GRM5: variants seen among roughly 807,000 people sequenced by gnomAD.
GRM5 encodes metabotropic glutamate receptor 5.
A neutral mutation model predicts 83.1 loss-of-function variants in GRM5; 19 were observed. The ratio of observed to expected loss-of-function variants is 0.23; its 90% CI spans 0.16 to 0.34. GRM5 has a LOEUF of 0.34. Ranked by LOEUF, GRM5 falls within the 10% of genes least tolerant of loss-of-function variation. The pLI is 1.00. For missense variants in GRM5, 1,160 were observed against 1,588.3 expected, an observed-to-expected ratio of 0.73 and a Z score of 4.58; for synonymous variants, 675 against 633.6, an observed-to-expected ratio of 1.07 and a Z score of -0.98.
In GRM5 at chr11:88,924,134, CAA is replaced by C. The variant is rs59939060; in HGVS notation, c.662-73981_662-73980del. On this transcript the variant is annotated intron_variant, in intron 2 of 9. Coordinates refer to ENST00000305447, the MANE Select transcript of GRM5 (RefSeq NM_001143831.3). The stretch of plus-strand genomic sequence containing the variant: ...TCACACCTGTTAGTATAGCTATAAT[CAA>C]AAAAAAAAAATAAGAAATAATCATT... Among the ~76,000 whole-genome samples, 138 of 146,824 alleles carry C rather than the reference CAA, an allele frequency of 9.4e-4. 3 individuals are homozygous for C. The highest frequency in any genetic ancestry group is 1.2e-3 in the Admixed American group (18 of 14,786).
At chr11:88,720,931 GT>G (rs1322166477) in intron 3 of GRM5, among the ~76,000 whole-genome samples, 1 of 151,588 alleles carries the variant, frequency 6.6e-6, no homozygotes, top group Non-Finnish European at 1.5e-5. Context: ...TCTCAGATGT[GT>G]TTTTTCATAA....
intron 2 of GRM5, among the ~76,000 whole-genome samples, chr11:88,911,686 C>T (rs979282675): frequency 5.3e-5 from 8 of 152,206 alleles, no homozygotes; most frequent in South Asian, 2.1e-4. Context: ...TTTCCTTATT[C>T]GTAAATTGAG....
intron 3 of GRM5, among the ~76,000 whole-genome samples, chr11:88,780,461 A>G (rs978453265): frequency 6.6e-6 from 1 of 152,150 alleles, no homozygotes; most frequent in East Asian, 1.9e-4. Flanking sequence ...ACGTTTTATG[A>G]TGTTGGGAGA....
chr11:88,741,679 T>C (rs1426423234), intron 3 of GRM5, among the ~76,000 whole-genome samples: 2 of 151,774 alleles, frequency 1.3e-5, no homozygotes, highest in Non-Finnish European at 3.0e-5. Context: ...AGTTCTTCAA[T>C]AATATATGCA....
At chr11:89,028,528 C>T (rs920024611) in intron 2 of GRM5, among the ~76,000 whole-genome samples, 6 of 152,128 alleles carry the variant, frequency 3.9e-5, no homozygotes, top group African/African-American at 7.2e-5. Flanking sequence ...CCTGAGAGGT[C>T]GAGGCTGCTG....
At chr11:88,855,813 A>T (rs1944465526) in intron 2 of GRM5, among the ~76,000 whole-genome samples, 1 of 151,918 alleles carries the variant, frequency 6.6e-6, no homozygotes, top group Non-Finnish European at 1.5e-5. Flanking sequence ...CTTCTTTTCA[A>T]AACTGTGAGC....
chr11:88,831,899 A>C (rs1454487707), intron 3 of GRM5, among the ~76,000 whole-genome samples: 4 of 152,210 alleles, frequency 2.6e-5, no homozygotes, highest in Admixed American at 2.0e-4. Context: ...GAGGCCAAAG[A>C]ATCAGCTAGC....
At chr11:88,784,906 T>C (rs1234859514) in intron 3 of GRM5, among the ~76,000 whole-genome samples, 1 of 152,100 alleles carries the variant, frequency 6.6e-6, no homozygotes, top group Non-Finnish European at 1.5e-5. Context: ...AAATTTATCA[T>C]GAAATATATT....
chr11:88,751,067 G>C (rs1447511697), intron 3 of GRM5, among the ~76,000 whole-genome samples: 1 of 30,330 alleles, frequency 3.3e-5, no homozygotes, highest in African/African-American at 1.4e-4. Context: ...AAAGATAGCA[G>C]AAGCCAAAAA....
intron 3 of GRM5, among the ~76,000 whole-genome samples, chr11:88,715,838 C>T: frequency 6.6e-6 from 1 of 151,954 alleles, no homozygotes; most frequent in East Asian, 1.9e-4. Context: ...GCTTTTAAAA[C>T]CTGGTTGTAT....
chr11:88,580,093 G>C (rs1269455669), intron 7 of GRM5, among the ~76,000 whole-genome samples: 1 of 152,196 alleles, frequency 6.6e-6, no homozygotes, highest in Non-Finnish European at 1.5e-5. Context: ...CCTAATGAAA[G>C]AACGGGTTTA....
chr11:88,838,492 A>G (rs1388266142), intron 3 of GRM5, among the ~76,000 whole-genome samples: 2 of 152,154 alleles, frequency 1.3e-5, no homozygotes, highest in African/African-American at 4.8e-5. Flanking sequence ...CCTGTCTGTG[A>G]CTGTGGGGAT....
chr11:88,975,481 T>C (rs1357742920), intron 2 of GRM5, among the ~76,000 whole-genome samples: 1 of 152,212 alleles, frequency 6.6e-6, no homozygotes, highest in African/African-American at 2.4e-5. Flanking sequence ...TTTGAATTTC[T>C]AACAAACTCT....
intron 9 of GRM5, among the ~76,000 whole-genome samples, 175 bp downstream of exon 9, chr11:88,525,134 T>C (rs1266879107): frequency 6.6e-6 from 1 of 152,144 alleles, no homozygotes; most frequent in Non-Finnish European, 1.5e-5. Context: ...TTACTACACA[T>C]GAGGGTGTCA....
chr11:88,849,672 C>T (rs187201541), intron 3 of GRM5, among the ~76,000 whole-genome samples: 109 of 152,250 alleles, frequency 7.2e-4, no homozygotes, highest in Middle Eastern at 3.4e-3. Context: ...GTTTTTAGGA[C>T]TTAAAGATGC....
intron 8 of GRM5, among the ~76,000 whole-genome samples, chr11:88,558,876 T>C (rs1197762027): frequency 1.4e-5 from 2 of 145,504 alleles, no homozygotes; most frequent in Non-Finnish European, 3.0e-5. Flanking sequence ...AGTATATTTA[T>C]AAAGTTCTAT....
At chr11:89,021,491 T>C (rs1248249780) in intron 2 of GRM5, among the ~76,000 whole-genome samples, 2 of 152,184 alleles carry the variant, frequency 1.3e-5, no homozygotes, top group African/African-American at 4.8e-5. Flanking sequence ...AGGTGGTATG[T>C]AAGGTTGCAG....
At chr11:89,006,779 TTTTGTTTTGTTTTGTTTTGC>T (rs1283085097) in intron 2 of GRM5, among the ~76,000 whole-genome samples, 67 of 152,268 alleles carry the variant, frequency 4.4e-4, no homozygotes, top group Admixed American at 3.3e-3. Flanking sequence ...TTCAAATCTT[TTTTGTTTTGTTTTGTTTTGC>T]TTTGTTTTGT....
At chr11:88,632,247 CTT>C (rs35797493) in intron 4 of GRM5, among the ~76,000 whole-genome samples, 69 of 110,976 alleles carry the variant, frequency 6.2e-4, no homozygotes, top group Admixed American at 1.8e-3. Flanking sequence ...ACAGTATGTA[CTT>C]TTTTTTTTTT....
Sources: allele counts gnomAD v4.1 joint callset (sites outside exome capture counted in the v4.1 genomes callset), GRCh38; gene constraint gnomAD v4.1.1; transcripts MANE v1.5; gene names NCBI Gene and HGNC (gene_info 2026-07-23, HGNC 2026-07-21).